The following TINAGL1 variants were observed in gnomAD, a reference collection of about 807,000 sequenced individuals.
The protein encoded by TINAGL1 is tubulointerstitial nephritis antigen-like.
TINAGL1 carries 34 observed loss-of-function variants against 62.0 expected under a neutral mutation model. The observed-to-expected ratio is 0.55, with a 90% CI of 0.42 to 0.73. The LOEUF (loss-of-function observed/expected upper bound fraction) is 0.73. Ranked by LOEUF, TINAGL1 falls within the 30% of genes least tolerant of loss-of-function variation. The probability of loss-of-function intolerance (pLI) is 0.00; values close to 1 mark genes in which losing one functional copy is unlikely to be tolerated. For missense variants in TINAGL1, 516 were observed against 653.2 expected (o/e 0.79, Z 2.29); for synonymous variants, 221 against 249.7 (o/e 0.88, Z 1.08).
chr1:31,580,137 G>GCTC (rs1639178519), intron 3 of TINAGL1: 1 of 667,350 alleles, frequency 1.5e-6, no homozygotes, highest in East Asian at 6.7e-5. Flanking sequence ...TGATAGGATG[G>GCTC]CTCTGGACGT....
At chr1:31,581,966 C>T (rs1178933423) in intron 3 of TINAGL1, among the ~76,000 whole-genome samples, 4 of 152,174 alleles carry the variant, frequency 2.6e-5, no homozygotes, top group Admixed American at 1.3e-4. Flanking sequence ...GCTTTGTTTT[C>T]CTAGGCGCTG....
intron 2 of TINAGL1, among the ~76,000 whole-genome samples, chr1:31,578,817 G>C (rs904025985): frequency 2.1e-5 from 3 of 145,806 alleles, no homozygotes; most frequent in Non-Finnish European, 4.5e-5. Context: ...TTTAATTTCA[G>C]TGAGAGCTGG....
At chr1:31,578,506 G>T (rs1639081040) in intron 2 of TINAGL1, among the ~76,000 whole-genome samples, 1 of 148,324 alleles carries the variant, frequency 6.7e-6, no homozygotes, top group South Asian at 2.2e-4. Context: ...GTATGTGTGT[G>T]TGTGTGTGTG....
chr1:31,586,781 C>T (rs1639404031), intron 11 of TINAGL1, 26 bp downstream of exon 11: 1 of 1,550,322 alleles, frequency 6.5e-7, no homozygotes, highest in Non-Finnish European at 8.7e-7. Flanking sequence ...CTTTCCCCGC[C>T]CCCTCTTCCC....
In TINAGL1 at chr1:31,584,332, C is replaced by T. The variant is rs192186168; in HGVS notation, c.583-346C>T. On this transcript the variant is annotated intron_variant, in intron 5 of 11. Coordinates refer to ENST00000271064, the MANE Select transcript of TINAGL1 (RefSeq NM_022164.3). The surrounding 1 kb of genome is among the most constrained non-coding windows in gnomAD (Gnocchi z 4.0). The stretch of plus-strand genomic sequence containing the variant: ...GCTAAGGCCTGAAGAAAGCTAAGGC[C>T]GATCAGAAGGTGCAGAGGAAAGAGG... The T allele has an allele frequency of 5.1e-5, 14 of 275,924 alleles. No individual in the cohort carries two copies. The highest frequency in any genetic ancestry group is 4.7e-4 in the Admixed American group (11 of 23,238). 17.1% of individuals were successfully genotyped at this position (275,924 alleles called of 1,614,324 possible).
Position 31,587,186 on chromosome 1 carries a change from C to T in TINAGL1, c.*207C>T, listed in dbSNP as rs1639421560. ...GAGACTGGCGGAGCCCCCAGACCTC[C>T]CAGTGGGGACGGGGCAGGGCCTGGC... On this transcript the variant is annotated 3_prime_UTR_variant, in exon 12 of 12. Coordinates refer to ENST00000271064, the MANE Select transcript of TINAGL1 (RefSeq NM_022164.3). 1.5e-6 allele frequency: 1 copy of T among 688,780 alleles called. No homozygotes were observed. The highest frequency in any genetic ancestry group is 4.4e-5 in the Admixed American group (1 of 22,918). The allele number at this position is 688,780 out of a possible 1,614,324, so 42.7% of individuals were successfully genotyped here.
rs1457625187 is a variant in TINAGL1 at position 31,577,093 on chromosome 1, G to A, written c.-15-41G>A. 7.1e-7 allele frequency: 1 copy of A among 1,403,868 alleles called. No individual in the cohort carries two copies. The highest frequency in any genetic ancestry group is 1.5e-5 in the South Asian group (1 of 67,330). 87.0% of individuals were successfully genotyped at this position (1,403,868 alleles called of 1,614,324 possible). A position where few individuals can be genotyped will look rare whatever the true frequency, so the allele number is the denominator to read the frequency against. The stretch of plus-strand genomic sequence containing the variant: ...GGAAACTGGGAGACTCATCCCTGGT[G>A]TTCCAGGGAGTCTCTGCTGCCCACC... On this transcript the variant is annotated intron_variant, in intron 1 of 11. Transcript: ENST00000271064. This position sits in a 1 kb window ranked among gnomAD's most constrained non-coding sequence, Gnocchi z 5.4.
At chr1:31,580,347 C>A in intron 3 of TINAGL1, 2 of 1,285,732 alleles carry the variant, frequency 1.6e-6, no homozygotes, top group Non-Finnish European at 1.0e-6. Context: ...GTGTGGGCAG[C>A]CCTGGGGGCA....
intron 2 of TINAGL1, chr1:31,578,161 C>A: frequency 1.0e-6 from 1 of 986,486 alleles, no homozygotes; most frequent in Non-Finnish European, 1.2e-6. Context: ...AGGTTGGAAT[C>A]ATTGAAGAAC....
intron 2 of TINAGL1, chr1:31,578,036 G>T: frequency 2.5e-6 from 1 of 402,358 alleles, no homozygotes; most frequent in Non-Finnish European, 3.4e-6. Flanking sequence ...TACCTTCTCT[G>T]GGCCTTGGCT....
chr1:31,585,746 C>T lies in TINAGL1; in HGVS notation c.1094-7C>T, dbSNP rs879032102. 5.0e-6 allele frequency: 8 copies of T among 1,611,820 alleles called. No individual in the cohort carries two copies. In the South Asian group the frequency reaches 8.8e-5, roughly 18 times the overall value. On this transcript the variant is annotated splice_region_variant and splice_polypyrimidine_tract_variant and intron_variant, in intron 9 of 11. Transcript: ENST00000271064. The surrounding 1 kb of genome is among the most constrained non-coding windows in gnomAD (Gnocchi z 4.3). ...TGAGTGGACCCTACCTTGACATCTG[C>T]CCACAGCCCTCATGGAGGTGCATGA...
In TINAGL1 at chr1:31,577,119, A is replaced by G. The variant is rs533770801; in HGVS notation, c.-15-15A>G. On this transcript the variant is annotated splice_polypyrimidine_tract_variant and intron_variant, in intron 1 of 11. Transcript: ENST00000271064. The surrounding 1 kb of genome is among the most constrained non-coding windows in gnomAD (Gnocchi z 5.4). ...TTCCAGGGAGTCTCTGCTGCCCACC[A>G]TCTCTGCCCCCCAGGGCCCAGGAGC... The G allele has an allele frequency of 1.4e-5, 21 of 1,457,298 alleles. No homozygotes were observed. Among genetic ancestry groups the G allele is most frequent in the East Asian group, 1.2e-4 (5 of 41,534 alleles). The allele number at this position is 1,457,298 out of a possible 1,614,324, so 90.3% of individuals were successfully genotyped here. A position where few individuals can be genotyped will look rare whatever the true frequency, so the allele number is the denominator to read the frequency against.
intron 3 of TINAGL1, among the ~76,000 whole-genome samples, chr1:31,582,137 C>G (rs1006534534): frequency 3.3e-5 from 5 of 152,112 alleles, no homozygotes; most frequent in African/African-American, 1.2e-4. Context: ...TGAGACCAGC[C>G]TGGGCAACAT....
At position 31,585,424 on chromosome 1, in the gene TINAGL1, A is replaced by G; in HGVS notation, c.1048-16A>G. ...CACCCCTGACGTATGCTCTCTGTCC[A>G]TCCCCTGCCCTCCAGGACAAGGAGA... On this transcript the variant is annotated splice_polypyrimidine_tract_variant and intron_variant, in intron 8 of 11. Coordinates refer to ENST00000271064, the MANE Select transcript of TINAGL1 (RefSeq NM_022164.3). The surrounding 1 kb of genome is among the most constrained non-coding windows in gnomAD (Gnocchi z 4.3). 1 of 1,613,950 alleles carries G rather than the reference A, an allele frequency of 6.2e-7. No homozygotes were observed. Among genetic ancestry groups the G allele is most frequent in the Non-Finnish European group, 8.5e-7 (1 of 1,179,902 alleles).
Position 31,577,578 on chromosome 1 carries a change from C to T in TINAGL1, c.310+120C>T, listed in dbSNP as rs868177029. ...AGGGGAAGCTCTGTAGAATCTGGGA[C>T]TCTTCCCTGCCCCTCTGGGAACTTT... On this transcript the variant is annotated intron_variant, in intron 2 of 11. Transcript: ENST00000271064. The surrounding 1 kb of genome is among the most constrained non-coding windows in gnomAD (Gnocchi z 5.4). The T allele has an allele frequency of 3.6e-6, 4 of 1,106,726 alleles. No homozygotes were observed. Among genetic ancestry groups the T allele is most frequent in the Middle Eastern group, 5.2e-4 (2 of 3,818 alleles). The allele number at this position is 1,106,726 out of a possible 1,614,324, so 68.6% of individuals were successfully genotyped here.
At position 31,586,937 on chromosome 1, in the gene TINAGL1, C is replaced by T. The variant is rs988626221; in HGVS notation, c.1362C>T (p.Gly454=). 4 of 1,534,430 alleles carry T rather than the reference C, an allele frequency of 2.6e-6. No homozygotes were observed. Among genetic ancestry groups the T allele is most frequent in the Admixed American group, 2.2e-5 (1 of 46,138 alleles). Residue 454 remains glycine, a synonymous_variant, in exon 12 of 12, where the codon GGC becomes GGT. Transcript: ENST00000271064. ...NECDIESFVL[G]VWGRVGMEDM... is the part of the protein sequence containing the mutation. The stretch of plus-strand genomic sequence containing the variant: ...GCGACATCGAGAGCTTCGTGCTGGG[C>T]GTCTGGGGCCGCGTGGGCATGGAGG...
In TINAGL1 at chr1:31,587,054, GAC is replaced by G; in HGVS notation, c.*76_*77del. The stretch of plus-strand genomic sequence containing the variant: ...GCGGAAGAGGCCCCAATGGGGCGGT[GAC>G]CCCAGCCTCGCCCGACAGAGCCCGG... On this transcript the variant is annotated 3_prime_UTR_variant, in exon 12 of 12. Coordinates refer to ENST00000271064, the MANE Select transcript of TINAGL1 (RefSeq NM_022164.3). 2.2e-6 allele frequency: 3 copies of G among 1,382,968 alleles called. No individual in the cohort carries two copies. Among genetic ancestry groups the G allele is most frequent in the Non-Finnish European group, 2.8e-6 (3 of 1,074,822 alleles). 85.7% of individuals were successfully genotyped at this position (1,382,968 alleles called of 1,614,324 possible).
Position 31,584,621 on chromosome 1 carries a change from C to A in TINAGL1, c.583-57C>A. 1 of 1,610,576 alleles carries A rather than the reference C, an allele frequency of 6.2e-7. No individual in the cohort carries two copies. The highest frequency in any genetic ancestry group is 1.3e-5 in the African/African-American group (1 of 74,956). On this transcript the variant is annotated intron_variant, in intron 5 of 11. Transcript: ENST00000271064. This position sits in a 1 kb window ranked among gnomAD's most constrained non-coding sequence, Gnocchi z 4.0. ...GGTGGCCCTCCAGTGCCAATGGGCA[C>A]CTGAGGGGCAGGCCAGGGCAGAGCA...
In TINAGL1 at chr1:31,577,656, G is replaced by A. The variant is rs1639026000; in HGVS notation, c.310+198G>A. The A allele has an allele frequency of 3.1e-6, 2 of 637,010 alleles. No individual in the cohort carries two copies. The highest frequency in any genetic ancestry group is 2.6e-6 in the Non-Finnish European group (1 of 386,028). The allele number at this position is 637,010 out of a possible 1,614,324, so 39.5% of individuals were successfully genotyped here. A position where few individuals can be genotyped will look rare whatever the true frequency, so the allele number is the denominator to read the frequency against. On this transcript the variant is annotated intron_variant, in intron 2 of 11. Coordinates refer to ENST00000271064, the MANE Select transcript of TINAGL1 (RefSeq NM_022164.3). This position sits in a 1 kb window ranked among gnomAD's most constrained non-coding sequence, Gnocchi z 5.4. ...TTGGTTAGAATTCTAATTTGGCCCA[G>A]GGAAAGGGCAACCTCCCACATTTTC... is the stretch of plus-strand genomic sequence containing the variant.
Sources: allele counts gnomAD v4.1 joint callset (sites outside exome capture counted in the v4.1 genomes callset), GRCh38; gene constraint gnomAD v4.1.1; non-coding constraint Gnocchi (gnomAD v3.1); transcripts MANE v1.5; gene names NCBI Gene and HGNC (gene_info 2026-07-23, HGNC 2026-07-21).